The following KIF26A variants were observed in gnomAD, a reference collection of about 807,000 sequenced individuals.
KIF26A encodes the protein kinesin family member 26A.
In KIF26A, 74 loss-of-function variants were observed where a neutral mutation model predicts 126.0. The observed-to-expected ratio is 0.59, with a 90% CI of 0.49 to 0.71. The LOEUF is 0.71. KIF26A is among the 30% of genes least tolerant of loss of function. KIF26A has a pLI of 0.00. For missense variants in KIF26A, 2,984 were observed against 2,763.3 expected (o/e 1.08, Z -1.79); for synonymous variants, 1,445 against 1,232.7 (o/e 1.17, Z -3.61).
At chr14:104,174,112 C>T in intron 10 of KIF26A, 36 bp from the exon 11 acceptor site, 1 of 1,513,794 alleles carries the variant, frequency 6.6e-7, no homozygotes. Context: ...AGCTCCCTTC[C>T]CAAGGCCTTG....
chr14:104,139,879 G>A (rs1017906063), intron 2 of KIF26A, among the ~76,000 whole-genome samples: 2 of 152,208 alleles, frequency 1.3e-5, no homozygotes, highest in Non-Finnish European at 2.9e-5. Flanking sequence ...GGCCCTCTGG[G>A]TTCCCCAGGC....
At position 104,179,820 on chromosome 14, in the gene KIF26A, T is replaced by G; in HGVS notation, c.*30T>G. ...GGGCGCCGGACAAGAGGAGGGGGCG[T>G]GCAGCGGGCTGGAGGACGGGACGTG... On this transcript the variant is annotated 3_prime_UTR_variant, in exon 15 of 15. Coordinates refer to ENST00000423312, the MANE Select transcript of KIF26A (RefSeq NM_015656.2). 1 of 1,486,908 alleles carries G rather than the reference T, an allele frequency of 6.7e-7. No individual in the cohort carries two copies. 92.1% of individuals were successfully genotyped at this position (1,486,908 alleles called of 1,614,324 possible). A position where few individuals can be genotyped will look rare whatever the true frequency, so the allele number is the denominator to read the frequency against.
intron 5 of KIF26A, 48 bp from the exon 6 acceptor site, chr14:104,171,675 C>T: frequency 6.7e-7 from 1 of 1,488,868 alleles, no homozygotes; most frequent in Middle Eastern, 1.9e-4. Context: ...TAATTAGTGG[C>T]CGGCTGGGCG....
In KIF26A at chr14:104,151,942, G is replaced by C; in HGVS notation, c.289-73G>C. Reference sequence around the variant, plus strand: ...GCTCGCAGCGTCATGGACGGTGAGAGTGCTGGTGGGCTCTGGGTGCCGGCC... The same window carrying C: ...GCTCGCAGCGTCATGGACGGTGAGACTGCTGGTGGGCTCTGGGTGCCGGCC... On this transcript the variant is annotated intron_variant, in intron 2 of 14. Transcript: ENST00000423312. This position sits in a 1 kb window ranked among gnomAD's most constrained non-coding sequence, Gnocchi z 4.9. 2 of 1,360,588 alleles carry C rather than the reference G, an allele frequency of 1.5e-6. No homozygotes were observed. Among genetic ancestry groups the C allele is most frequent in the South Asian group, 2.3e-5 (2 of 85,382 alleles). 84.3% of individuals were successfully genotyped at this position (1,360,588 alleles called of 1,614,324 possible).
intron 4 of KIF26A, among the ~76,000 whole-genome samples, chr14:104,162,233 C>A (rs34083540): frequency 1.3e-5 from 2 of 151,996 alleles, no homozygotes; most frequent in African/African-American, 2.4e-5. Context: ...GGCGATGGGC[C>A]CCAGGAGGAG....
rs1003059932 is a variant in KIF26A at position 104,177,658 on chromosome 14, C to T, written c.4870C>T (p.Arg1624Cys). 132 of 1,527,580 alleles carry T rather than the reference C, an allele frequency of 8.6e-5. No homozygotes were observed. The highest frequency in any genetic ancestry group is 9.7e-5 in the Non-Finnish European group (111 of 1,141,778). 94.6% of individuals were successfully genotyped at this position (1,527,580 alleles called of 1,614,324 possible). Residue 1624 changes from arginine (R) to cysteine (C), a missense_variant, in exon 12 of 15, where the codon CGC becomes TGC. Physicochemically the swap from Arg to Cys is radical, Grantham distance 180. Coordinates refer to ENST00000423312, the MANE Select transcript of KIF26A (RefSeq NM_015656.2). ...SKVTAPRRPQ[R>C]YSSGHGSDNS... ...GGTGACCGCCCCACGGCGGCCCCAGCGCTACAGCAGCGGCCATGGCAGCGA... is the reference window on the plus strand; with the variant it reads ...GGTGACCGCCCCACGGCGGCCCCAGTGCTACAGCAGCGGCCATGGCAGCGA...
chr14:104,175,402 G>T lies in KIF26A; in HGVS notation c.2614G>T (p.Ala872Ser). 6.3e-7 allele frequency: 1 copy of T among 1,594,520 alleles called. No homozygotes were observed. ...GGTDGAQASP[A>S]RGGRKPSPPE... ...CACCGACGGAGCTCAGGCCAGCCCC[G>T]CCCGAGGGGGCCGGAAGCCCTCGCC... is the stretch of plus-strand genomic sequence containing the variant. The change falls in exon 12 of 15, where the codon GCC (alanine) becomes TCC (serine). Residue 872 changes from alanine to serine, a missense_variant. Physicochemically the swap from Ala to Ser is moderately conservative, Grantham distance 99 (BLOSUM62 1). Transcript: ENST00000423312.
In KIF26A at chr14:104,177,238, G is replaced by A. The variant is rs761776511; in HGVS notation, c.4450G>A (p.Ala1484Thr). The A allele has an allele frequency of 1.1e-5, 17 of 1,596,134 alleles. No individual in the cohort carries two copies. The highest frequency in any genetic ancestry group is 2.7e-5 in the African/African-American group (2 of 74,674). ...HGPAPACRSG[A>T]AKAVGAPKPP... is the part of the protein sequence containing the mutation. ...TCCAGCTCCCGCCTGTAGGAGCGGC[G>A]CAGCCAAGGCTGTGGGGGCCCCCAA... Residue 1484 changes from alanine to threonine, a missense_variant, in exon 12 of 15, where the codon GCA (alanine) becomes ACA (threonine). Transcript: ENST00000423312.
Position 104,173,421 on chromosome 14 carries a change from C to G in KIF26A, c.1775C>G (p.Ala592Gly), listed in dbSNP as rs779948858. ...CTGGCGGCCCGCAGCACCAGCCGAG[C>G]GGGCTGTGGCGAGGACGCCCGACGC... ...AALAARSTSR[A>G]GCGEDARRSS... The change falls in exon 9 of 15, where the codon GCG becomes GGG. Residue 592 changes from alanine (A) to glycine (G), a missense_variant. Coordinates refer to ENST00000423312, the MANE Select transcript of KIF26A (RefSeq NM_015656.2). The G allele has an allele frequency of 6.3e-7, 1 of 1,582,994 alleles. No individual in the cohort carries two copies. The highest frequency in any genetic ancestry group is 8.6e-7 in the Non-Finnish European group (1 of 1,165,412).
intron 5 of KIF26A, 62 bp downstream of exon 5, chr14:104,167,110 A>G: frequency 7.1e-7 from 1 of 1,412,226 alleles, no homozygotes; most frequent in Non-Finnish European, 9.3e-7. Flanking sequence ...GAGAAGACGC[A>G]GGAGGGGTGA....
chr14:104,171,637 C>G, intron 5 of KIF26A, 86 bp from the exon 6 acceptor site: 2 of 1,191,416 alleles, frequency 1.7e-6, no homozygotes, highest in Non-Finnish European at 2.4e-6. Context: ...CCCGCTGTCC[C>G]CACCTGAGCT....
intron 14 of KIF26A, 29 bp from the exon 15 acceptor site, chr14:104,179,580 G>C (rs567557355): frequency 6.7e-7 from 1 of 1,483,460 alleles, no homozygotes; most frequent in South Asian, 1.3e-5. Flanking sequence ...CCTGACGCAG[G>C]TGCCCCTCCC....
chr14:104,143,267 G>A (rs895700270), intron 2 of KIF26A, among the ~76,000 whole-genome samples: 8 of 152,326 alleles, frequency 5.3e-5, no homozygotes, highest in African/African-American at 1.9e-4. Context: ...GCTGCCCATC[G>A]AGGCTGTGGC....
chr14:104,160,431 G>A (rs894950971), intron 4 of KIF26A, among the ~76,000 whole-genome samples: 1 of 152,190 alleles, frequency 6.6e-6, no homozygotes, highest in Non-Finnish European at 1.5e-5. Context: ...TGATCCCATG[G>A]GTGCCCGGGT....
Position 104,155,476 on chromosome 14 carries a change from C to T in KIF26A, c.736-2279C>T, listed in dbSNP as rs1055876993. Among the ~76,000 whole-genome samples the T allele has an allele frequency of 2.8e-5, 3 of 105,908 alleles. No individual in the cohort carries two copies. The East Asian group carries it at 9.7e-4, about 34-fold the overall frequency. The allele number at this position is 105,908 out of a possible 152,430, so 69.5% of individuals were successfully genotyped here. On this transcript the variant is annotated intron_variant, in intron 3 of 14. Coordinates refer to ENST00000423312, the MANE Select transcript of KIF26A (RefSeq NM_015656.2). ...CCTCGGCCTCACGCTCCCCTCTCTC[C>T]TGCCTTTCCTTCCGTTTGCTGCTGT...
intron 4 of KIF26A, among the ~76,000 whole-genome samples, chr14:104,162,246 G>A (rs963611774): frequency 3.3e-5 from 5 of 152,340 alleles, no homozygotes; most frequent in African/African-American, 1.2e-4. Context: ...AGGAGGAGGA[G>A]GCGCCTCAAG....
intron 2 of KIF26A, among the ~76,000 whole-genome samples, chr14:104,139,501 C>T (rs918991109): frequency 4.6e-5 from 7 of 152,212 alleles, no homozygotes; most frequent in African/African-American, 1.7e-4. Flanking sequence ...GCCCTGCTGC[C>T]TCGGATGGGA....
chr14:104,141,175 G>A (rs565582877), intron 2 of KIF26A, among the ~76,000 whole-genome samples: 1 of 152,320 alleles, frequency 6.6e-6, no homozygotes, highest in East Asian at 1.9e-4. Flanking sequence ...CTGCTTCTGT[G>A]TTTGGGTTGG....
chr14:104,173,588 T>C, intron 9 of KIF26A, 75 bp downstream of exon 9: 1 of 1,502,738 alleles, frequency 6.7e-7, no homozygotes, highest in Non-Finnish European at 8.9e-7. Flanking sequence ...GGGCCTGTCA[T>C]CCAGTGGCTC....
Sources: gnomAD v4.1 joint callset for allele counts (sites outside exome capture counted in the v4.1 genomes callset) on GRCh38, gnomAD v4.1.1 for gene constraint, Gnocchi (gnomAD v3.1) non-coding constraint, MANE v1.5 for transcripts, NCBI Gene and HGNC (gene_info 2026-07-23, HGNC 2026-07-21) for gene names.